Variants in MYLK observed in about 807,000 individuals in gnomAD.
MYLK encodes the protein myosin light chain kinase.
MYLK carries 106 observed loss-of-function variants against 203.4 expected under a neutral mutation model. That is an observed-to-expected ratio of 0.52 (90% CI 0.45 to 0.61). MYLK has a LOEUF of 0.61. MYLK is among the 20% of genes least tolerant of loss of function. The pLI is 0.00. For missense variants in MYLK, 2,072 were observed against 2,442.3 expected (o/e 0.85, Z 3.20); for synonymous variants, 867 against 959.5 (o/e 0.90, Z 1.78).
chr3:123,668,409 CA>C (rs2059807264), intron 20 of MYLK, among the ~76,000 whole-genome samples: 1 of 143,270 alleles, frequency 7.0e-6, no homozygotes, highest in Non-Finnish European at 1.5e-5. Context: ...AAGCCAAATT[CA>C]AAAGGTCACA....
intron 3 of MYLK, among the ~76,000 whole-genome samples, chr3:123,795,990 G>T (rs1300637741): frequency 6.6e-6 from 1 of 152,112 alleles, no homozygotes; most frequent in African/African-American, 2.4e-5. Context: ...AAGGGACTAG[G>T]CTCATTTGTA....
intron 8 of MYLK, 61 bp from the exon 9 acceptor site, chr3:123,735,477 C>T: frequency 1.3e-6 from 2 of 1,596,858 alleles, no homozygotes; most frequent in East Asian, 2.2e-5. Context: ...CCAAAATTTC[C>T]CTCCCCAGGC....
chr3:123,641,363 C>T (rs1332303497), intron 27 of MYLK, among the ~76,000 whole-genome samples: 1 of 152,202 alleles, frequency 6.6e-6, no homozygotes, highest in African/African-American at 2.4e-5. Flanking sequence ...CTCTGCTTAG[C>T]AAGTTTAAAG....
At chr3:123,817,106 G>A (rs1039062441) in intron 3 of MYLK, among the ~76,000 whole-genome samples, 9 of 152,190 alleles carry the variant, frequency 5.9e-5, no homozygotes. Flanking sequence ...TGTTCAGAGG[G>A]AAAAGAGATG....
At chr3:123,855,201 ATC>A (rs1269416487) in intron 2 of MYLK, among the ~76,000 whole-genome samples, 5 of 151,934 alleles carry the variant, frequency 3.3e-5, no homozygotes, top group South Asian at 2.1e-4. Context: ...CCCTTTTTAA[ATC>A]TCTTTCTGTA....
intron 18 of MYLK, 130 bp downstream of exon 18, chr3:123,699,890 C>G (rs535872093): frequency 1.6e-6 from 2 of 1,251,426 alleles, no homozygotes; most frequent in South Asian, 2.8e-5. Context: ...AGCAGGCCCT[C>G]CTACCTGCTA....
At chr3:123,875,269 A>C (rs546132906) in intron 2 of MYLK, among the ~76,000 whole-genome samples, 1 of 152,330 alleles carries the variant, frequency 6.6e-6, no homozygotes, top group African/African-American at 2.4e-5. Context: ...CTTTACAATG[A>C]AATAATACTC....
At chr3:123,692,940 G>T in intron 18 of MYLK, 89 bp from the exon 19 acceptor site, 1 of 1,152,374 alleles carries the variant, frequency 8.7e-7, no homozygotes, top group Non-Finnish European at 1.3e-6. Context: ...TTACTCGCAC[G>T]GGCAGCCTCT....
At chr3:123,800,728 G>C (rs544548624) in intron 3 of MYLK, among the ~76,000 whole-genome samples, 286 of 152,272 alleles carry the variant, frequency 1.9e-3, no homozygotes, top group Admixed American at 3.6e-3. Context: ...GTGGACATCC[G>C]AATCGGCAAT....
intron 4 of MYLK, among the ~76,000 whole-genome samples, chr3:123,771,917 G>A (rs985887864): frequency 6.6e-6 from 1 of 151,990 alleles, no homozygotes; most frequent in African/African-American, 2.4e-5. Flanking sequence ...CTAATGAGTG[G>A]GTATCATTTT....
Position 123,722,146 on chromosome 3 carries a change from C to T in MYLK, c.1786G>A (p.Ala596Thr), listed in dbSNP as rs758715543. 1.8e-5 allele frequency: 28 copies of T among 1,566,144 alleles called. No homozygotes were observed. The Admixed American group carries it at 2.4e-4, about 14-fold the overall frequency. Reference protein sequence around the residue: ...ENALGQVSCSAWVTVHEKKSS... With the variant: ...ENALGQVSCSTWVTVHEKKSS... ...CTCCTACCATGGACGGTGACCCAGG[C>T]GCTGCAGGACACCTGCCCCAAGGCA... The change falls in exon 13 of 34, where the codon GCC becomes ACC. Residue 596 changes from alanine (A) to threonine (T), a missense_variant. Ala to Thr is a moderately conservative substitution (Grantham distance 58). Coordinates refer to ENST00000360304, the MANE Select transcript of MYLK (RefSeq NM_053025.4).
In MYLK at chr3:123,647,254, T is replaced by C; in HGVS notation, c.4589A>G (p.Glu1530Gly). 1 of 1,614,254 alleles carries C rather than the reference T, an allele frequency of 6.2e-7. No individual in the cohort carries two copies. The highest frequency in any genetic ancestry group is 8.5e-7 in the Non-Finnish European group (1 of 1,180,038). ...KLVQCVDAFE[E>G]KANIVMVLEI... The stretch of plus-strand genomic sequence containing the variant: ...CAGGACCATGACGATGTTGGCCTTT[T>C]CTTCAAAGGCATCCACACACTGGAC... The change falls in exon 27 of 34, where the codon GAA becomes GGA. Residue 1530 changes from glutamate to glycine, a missense_variant. Glu to Gly is a moderately conservative substitution (Grantham distance 98, BLOSUM62 -2). Coordinates refer to ENST00000360304, the MANE Select transcript of MYLK (RefSeq NM_053025.4).
intron 23 of MYLK, among the ~76,000 whole-genome samples, chr3:123,662,378 G>A (rs2059591080): frequency 6.6e-6 from 1 of 152,172 alleles, no homozygotes; most frequent in Admixed American, 6.5e-5. Flanking sequence ...CTAAGGTGAT[G>A]ATACGAGATG....
At chr3:123,813,380 C>T (rs542299924) in intron 3 of MYLK, among the ~76,000 whole-genome samples, 21 of 152,182 alleles carry the variant, frequency 1.4e-4, no homozygotes, top group Non-Finnish European at 2.5e-4. Context: ...GCTGGGGCAG[C>T]TTGGGAATAA....
At chr3:123,695,894 C>T (rs1182917275) in intron 18 of MYLK, among the ~76,000 whole-genome samples, 1 of 152,196 alleles carries the variant, frequency 6.6e-6, no homozygotes, top group African/African-American at 2.4e-5. Flanking sequence ...ATCGGCCTCC[C>T]ACCACCCCTC....
At chr3:123,846,069 G>A (rs1368870377) in intron 2 of MYLK, among the ~76,000 whole-genome samples, 1 of 152,126 alleles carries the variant, frequency 6.6e-6, no homozygotes, top group Non-Finnish European at 1.5e-5. Flanking sequence ...TCTAATCCAA[G>A]ATACCTCATT....
Position 123,791,366 on chromosome 3 carries a change from G to A in MYLK, c.165+2311C>T, listed in dbSNP as rs1040932808. 3.9e-5 allele frequency among the ~76,000 whole-genome samples: 6 copies of A among 152,160 alleles called. No homozygotes were observed. In the East Asian group the frequency reaches 7.7e-4, roughly 20 times the overall value. On this transcript the variant is annotated intron_variant, in intron 4 of 33. Coordinates refer to ENST00000360304, the MANE Select transcript of MYLK (RefSeq NM_053025.4). ...TCAGAAACACCCCCTGTTTAACTTC[G>A]TCTTTGGTATCAGAACAACCAGCTC...
intron 16 of MYLK, among the ~76,000 whole-genome samples, chr3:123,703,401 G>T (rs1417519636): frequency 1.3e-5 from 2 of 152,278 alleles, no homozygotes; most frequent in Admixed American, 1.3e-4. Context: ...CTTCCTGACT[G>T]CCTTAGCTCT....
chr3:123,810,479 G>C lies in MYLK; in HGVS notation c.-3-16635C>G, dbSNP rs536935628. ...TCTCAGGCTTGGGCCGGCCCACTGT[G>C]TCAGGGTTCAGCCCTCTCTGCTTCA... On this transcript the variant is annotated intron_variant, in intron 3 of 33. Transcript: ENST00000360304. Among the ~76,000 whole-genome samples, 8 of 152,304 alleles carry C rather than the reference G, an allele frequency of 5.3e-5. No homozygotes were observed. The South Asian group carries it at 1.2e-3, about 24-fold the overall frequency.
Sources: gnomAD v4.1 joint callset for allele counts (sites outside exome capture counted in the v4.1 genomes callset) on GRCh38, gnomAD v4.1.1 for gene constraint, MANE v1.5 for transcripts, NCBI Gene and HGNC (gene_info 2026-07-23, HGNC 2026-07-21) for gene names.